DNM3: variants seen among roughly 807,000 people sequenced by gnomAD.
The protein encoded by DNM3 is dynamin-3.
A neutral mutation model predicts 101.6 loss-of-function variants in DNM3; 47 were observed. That is an observed-to-expected ratio of 0.46 (90% confidence interval 0.37 to 0.59). The LOEUF (loss-of-function observed/expected upper bound fraction) is 0.59, where lower values mean the gene tolerates loss of function less well. DNM3 is among the 20% of genes least tolerant of loss of function. DNM3 has a pLI of 0.00. For synonymous variants in DNM3, 385 were observed against 387.9 expected (o/e 0.99, Z 0.09); for missense variants, 849 against 1,085.7 (o/e 0.78, Z 3.06).
intron 16 of DNM3, among the ~76,000 whole-genome samples, chr1:172,320,419 G>T (rs1236450034): frequency 6.6e-6 from 1 of 150,406 alleles, no homozygotes; most frequent in Non-Finnish European, 1.5e-5. Flanking sequence ...AGAAAATGTG[G>T]CACATATACA....
chr1:172,198,828 G>A (rs1471307507), intron 14 of DNM3, among the ~76,000 whole-genome samples: 2 of 151,362 alleles, frequency 1.3e-5, no homozygotes, highest in African/African-American at 2.4e-5. Flanking sequence ...CTAGTTAGAG[G>A]CCTGTCTTAT....
intron 9 of DNM3, among the ~76,000 whole-genome samples, chr1:172,047,913 A>G (rs1167529491): frequency 6.6e-6 from 1 of 152,144 alleles, no homozygotes; most frequent in African/African-American, 2.4e-5. Flanking sequence ...GTCCCCTGTT[A>G]TTGTAGCTTC....
rs2071169806 is a variant in DNM3 at position 172,410,959 on chromosome 1, G to C, written c.*3118G>C. The C allele has an allele frequency of 2.0e-6, 2 of 984,906 alleles. No homozygotes were observed. Among genetic ancestry groups the C allele is most frequent in the Non-Finnish European group, 2.4e-6 (2 of 829,690 alleles). 61.0% of individuals were successfully genotyped at this position (984,906 alleles called of 1,614,324 possible). ...CTATGCATGTGTCTCTGTGTATATGGCATATACCTAGTAAGTATGTTTCTG... is the reference window on the plus strand; with the variant it reads ...CTATGCATGTGTCTCTGTGTATATGCCATATACCTAGTAAGTATGTTTCTG... On this transcript the variant is annotated 3_prime_UTR_variant, in exon 21 of 21. Transcript: ENST00000627582.
intron 15 of DNM3, among the ~76,000 whole-genome samples, chr1:172,264,120 T>C (rs2062770361): frequency 6.6e-6 from 1 of 152,160 alleles, no homozygotes; most frequent in Admixed American, 6.5e-5. Context: ...TGGCATGAAT[T>C]GATGTAGAGG....
At chr1:172,051,779 G>A (rs1048867407) in intron 10 of DNM3, among the ~76,000 whole-genome samples, 1 of 152,108 alleles carries the variant, frequency 6.6e-6, no homozygotes, top group Non-Finnish European at 1.5e-5. Flanking sequence ...AAGGTGTATG[G>A]GTGAGCAGAT....
In DNM3 at chr1:172,304,206, C is replaced by CAAAAAAAAAAAAAAAAAA. The variant is rs575733774; in HGVS notation, c.1770-4506_1770-4505insAAAAAAAAAAAAAAAAAA. The stretch of plus-strand genomic sequence containing the variant: ...GAATATCTACCATGCAAAAGGAAAG[C>CAAAAAAAAAAAAAAAAAA]AAAAAAAAAAAAAAAACAGGAGTTG... On this transcript the variant is annotated intron_variant, in intron 15 of 20. Coordinates refer to ENST00000627582, the MANE Select transcript of DNM3 (RefSeq NM_015569.5). 8.5e-4 allele frequency among the ~76,000 whole-genome samples: 31 copies of CAAAAAAAAAAAAAAAAAA among 36,348 alleles called. 2 individuals carry two copies. Among genetic ancestry groups the CAAAAAAAAAAAAAAAAAA allele is most frequent in the African/African-American group, 3.9e-3 (19 of 4,824 alleles). The allele number at this position is 36,348 out of a possible 152,430, so 23.8% of individuals were successfully genotyped here.
chr1:172,315,780 A>T (rs1401876365), intron 16 of DNM3, among the ~76,000 whole-genome samples: 4 of 152,246 alleles, frequency 2.6e-5, no homozygotes, highest in Admixed American at 6.5e-5. Context: ...CCTGACAGTG[A>T]CGGGGAGAAT....
At chr1:172,050,571 A>T (rs2050134687) in intron 10 of DNM3, among the ~76,000 whole-genome samples, 1 of 152,232 alleles carries the variant, frequency 6.6e-6, no homozygotes, top group Admixed American at 6.5e-5. Flanking sequence ...TGTTAGCTAC[A>T]AAAGCTCTGC....
intron 10 of DNM3, among the ~76,000 whole-genome samples, chr1:172,061,808 C>T (rs564721684): frequency 1.3e-5 from 2 of 151,876 alleles, no homozygotes; most frequent in Admixed American, 1.3e-4. Flanking sequence ...TGTAACTAAC[C>T]TGCACAGTGT....
chr1:171,957,199 C>CTTTT (rs377678762), intron 2 of DNM3, among the ~76,000 whole-genome samples: 21 of 138,326 alleles, frequency 1.5e-4, no homozygotes, highest in East Asian at 2.1e-4. Flanking sequence ...TTCTTTCTTT[C>CTTTT]TTTTTTTTTT....
chr1:172,133,095 A>G (rs1185832473), intron 14 of DNM3: 2 of 1,434,714 alleles, frequency 1.4e-6, no homozygotes, highest in Non-Finnish European at 1.8e-6. Context: ...GCATCTCAGC[A>G]TTGACATGTT....
intron 2 of DNM3, among the ~76,000 whole-genome samples, chr1:171,954,250 A>C (rs1233140827): frequency 1.3e-5 from 2 of 152,144 alleles, no homozygotes; most frequent in Admixed American, 1.3e-4. Flanking sequence ...TATCATAGTA[A>C]ATCTCTTTTG....
At position 171,854,755 on chromosome 1, in the gene DNM3, T is replaced by G. The variant is rs187500970; in HGVS notation, c.161+12938T>G. Among the ~76,000 whole-genome samples, 53 of 152,084 alleles carry G rather than the reference T, an allele frequency of 3.5e-4. No individual in the cohort carries two copies. In the East Asian group the frequency reaches 4.6e-3, roughly 13 times the overall value. On this transcript the variant is annotated intron_variant, in intron 1 of 20. Transcript: ENST00000627582. ...GCATGCCAGGCTAATTTTTTTTTTT[T>G]TGTGGAGACGGGGTTTCACCAGGCT...
At chr1:171,897,463 A>G (rs1025420840) in intron 1 of DNM3, among the ~76,000 whole-genome samples, 1 of 152,210 alleles carries the variant, frequency 6.6e-6, no homozygotes, top group Non-Finnish European at 1.5e-5. Flanking sequence ...ACAAATGTCA[A>G]GGATAGACCT....
intron 15 of DNM3, among the ~76,000 whole-genome samples, chr1:172,285,545 C>G (rs1186714418): frequency 6.6e-6 from 1 of 152,106 alleles, no homozygotes; most frequent in Non-Finnish European, 1.5e-5. Flanking sequence ...CCAGATGCAT[C>G]CAAGACATCT....
chr1:172,346,122 C>CAAA lies in DNM3; in HGVS notation c.1893+22800_1893+22802dup, dbSNP rs554868535. Among the ~76,000 whole-genome samples, 270 of 92,056 alleles carry CAAA rather than the reference C, an allele frequency of 2.9e-3. 5 individuals are homozygous for CAAA. The highest frequency in any genetic ancestry group is 0.019 in the Middle Eastern group (3 of 156). The allele number at this position is 92,056 out of a possible 152,430, so 60.4% of individuals were successfully genotyped here. ...TGGGCGACAGAGCGAGACTCCGTCT[C>CAAA]AAAAAAAAAAAAAAAAAAAAGAAAG... On this transcript the variant is annotated intron_variant, in intron 17 of 20. Coordinates refer to ENST00000627582, the MANE Select transcript of DNM3 (RefSeq NM_015569.5).
At chr1:172,298,095 A>T (rs2586410) in intron 15 of DNM3, among the ~76,000 whole-genome samples, 42,502 of 151,936 alleles carry the variant, frequency 0.28, 6,040 homozygotes, top group East Asian at 0.31. Context: ...TAATTTTTTT[A>T]ATTTAAAAAT....
chr1:171,946,080 C>T (rs2042156354), intron 2 of DNM3, among the ~76,000 whole-genome samples: 1 of 152,092 alleles, frequency 6.6e-6, no homozygotes, highest in South Asian at 2.1e-4. Context: ...ATGGAAGTCT[C>T]TCAAGAGTTT....
intron 2 of DNM3, among the ~76,000 whole-genome samples, chr1:171,956,278 G>A (rs1194482571): frequency 6.6e-6 from 1 of 152,170 alleles, no homozygotes; most frequent in African/African-American, 2.4e-5. Context: ...AAGTAAGTTA[G>A]TTACTTCCTA....
Sources: allele counts gnomAD v4.1 joint callset (sites outside exome capture counted in the v4.1 genomes callset), GRCh38; gene constraint gnomAD v4.1.1; transcripts MANE v1.5; gene names NCBI Gene and HGNC (gene_info 2026-07-23, HGNC 2026-07-21).